The following FAM234B variants were observed in gnomAD, a reference collection of about 807,000 sequenced individuals.
FAM234B encodes the protein family with sequence similarity 234 member B.
A neutral mutation model predicts 69.3 loss-of-function variants in FAM234B; 33 were observed. The ratio of observed to expected loss-of-function variants is 0.48; its 90% CI spans 0.36 to 0.64. FAM234B has a LOEUF of 0.64. Ranked by LOEUF, FAM234B falls within the 30% of genes least tolerant of loss-of-function variation. FAM234B has a pLI of 0.00. For synonymous variants in FAM234B, 306 were observed against 306.9 expected (o/e 1.00, Z 0.03); for missense variants, 697 against 769.7 (o/e 0.91, Z 1.12).
intron 1 of FAM234B, among the ~76,000 whole-genome samples, chr12:13,045,416 A>G (rs1864796921): frequency 6.6e-6 from 1 of 152,208 alleles, no homozygotes; most frequent in East Asian, 1.9e-4. Flanking sequence ...ATTAGAGGGA[A>G]AAGCAGTTGC....
chr12:13,077,010 G>T (rs1478553765), intron 11 of FAM234B, among the ~76,000 whole-genome samples: 2 of 152,296 alleles, frequency 1.3e-5, no homozygotes, highest in Middle Eastern at 3.4e-3. Flanking sequence ...GCCTTGGGCT[G>T]CAGCTGGTGT....
chr12:13,057,940 G>C (rs982950950), intron 2 of FAM234B, among the ~76,000 whole-genome samples: 1 of 152,204 alleles, frequency 6.6e-6, no homozygotes, highest in Admixed American at 6.5e-5. Flanking sequence ...TGGGAGCCAG[G>C]CTCCACATTC....
At chr12:13,055,404 A>G (rs1392371727) in intron 1 of FAM234B, 147 bp from the exon 2 acceptor site, 9 of 707,138 alleles carry the variant, frequency 1.3e-5, no homozygotes, top group Non-Finnish European at 1.8e-5. Flanking sequence ...TGTTTTACAG[A>G]TAGCCACCAA....
rs1342609882 is a variant in FAM234B, at chr12:13,044,701, G to A, written c.37+261G>A. On this transcript the variant is annotated intron_variant, in intron 1 of 12. Coordinates refer to ENST00000197268, the MANE Select transcript of FAM234B (RefSeq NM_020853.2). The surrounding 1 kb of genome is among the most constrained non-coding windows in gnomAD (Gnocchi z 5.6). ...GGAGAGGGCGCCGAGCAGGTGTTACGGCGGGGAATGTCAGAACGCCGGTCG... is the reference window on the plus strand; with the variant it reads ...GGAGAGGGCGCCGAGCAGGTGTTACAGCGGGGAATGTCAGAACGCCGGTCG... 6.6e-6 allele frequency among the ~76,000 whole-genome samples: 1 copy of A among 152,204 alleles called. No individual in the cohort carries two copies. The highest frequency in any genetic ancestry group is 1.5e-5 in the Non-Finnish European group (1 of 68,038).
At chr12:13,054,230 G>A (rs187113904) in intron 1 of FAM234B, among the ~76,000 whole-genome samples, 212 of 149,214 alleles carry the variant, frequency 1.4e-3, no homozygotes, top group Non-Finnish European at 1.9e-3. Flanking sequence ...AGTATTAATA[G>A]GGAAGTGATA....
At chr12:13,063,430 G>A (rs1442093784) in intron 5 of FAM234B, among the ~76,000 whole-genome samples, 1 of 152,122 alleles carries the variant, frequency 6.6e-6, no homozygotes, top group Non-Finnish European at 1.5e-5. Context: ...TTATATATAT[G>A]TACATTTTAT....
intron 4 of FAM234B, 180 bp from the exon 5 acceptor site, chr12:13,062,665 G>T (rs1170035760): frequency 6.7e-5 from 36 of 540,754 alleles, no homozygotes; most frequent in Non-Finnish European, 1.2e-4. Context: ...TTTAGGATTC[G>T]GATCACACTG....
intron 10 of FAM234B, among the ~76,000 whole-genome samples, chr12:13,073,479 C>T (rs1014613375): frequency 1.3e-5 from 2 of 152,138 alleles, no homozygotes; most frequent in Non-Finnish European, 2.9e-5. Flanking sequence ...TGCTGTTGAC[C>T]TTTCCACTTT....
At chr12:13,070,172 GATATATATATATAT>G (rs66463903) in intron 9 of FAM234B, among the ~76,000 whole-genome samples, 3,883 of 139,750 alleles carry the variant, frequency 0.028, 180 homozygotes, top group African/African-American at 0.077. Context: ...ATTAAAAAAA[GATATATATATATAT>G]ATATATATAT....
chr12:13,075,433 CTTTTT>C (rs59012504), intron 10 of FAM234B, among the ~76,000 whole-genome samples: 12 of 137,506 alleles, frequency 8.7e-5, no homozygotes, highest in South Asian at 2.3e-4. Context: ...CTTTTCTTTT[CTTTTT>C]TTTTTTTTTT....
chr12:13,045,058 T>A (rs943029473), intron 1 of FAM234B, among the ~76,000 whole-genome samples: 2 of 152,186 alleles, frequency 1.3e-5, no homozygotes, highest in African/African-American at 4.8e-5. Context: ...AGCTTTTGAT[T>A]CCACTTGGTC....
At position 13,068,356 on chromosome 12, in the gene FAM234B, A is replaced by G; in HGVS notation, c.1195A>G (p.Asn399Asp). ...GAAGGCACCAGATTCCAACTGCAGC[A>G]ACCTTCTGATTACAACCAGACAAAG... ...MVKAPDSNCSNLLITTRQSLV... is the reference protein window; with the variant it reads ...MVKAPDSNCSDLLITTRQSLV... Residue 399 changes from asparagine to aspartate, a missense_variant, in exon 8 of 13, where the codon AAC becomes GAC. Transcript: ENST00000197268. The G allele has an allele frequency of 6.2e-7, 1 of 1,614,214 alleles. No homozygotes were observed. The highest frequency in any genetic ancestry group is 8.5e-7 in the Non-Finnish European group (1 of 1,180,026).
chr12:13,058,908 G>A (rs1224305884), intron 3 of FAM234B, among the ~76,000 whole-genome samples: 1 of 152,152 alleles, frequency 6.6e-6, no homozygotes, highest in African/African-American at 2.4e-5. Flanking sequence ...AGTGAACATT[G>A]ACTTTATGCT....
intron 10 of FAM234B, among the ~76,000 whole-genome samples, 164 bp from the exon 11 acceptor site, chr12:13,075,862 T>C (rs1191356590): frequency 6.6e-6 from 1 of 152,162 alleles, no homozygotes; most frequent in Non-Finnish European, 1.5e-5. Context: ...ATGTCTCTTA[T>C]ACAGGGGAGT....
rs139325601 is a variant in FAM234B at position 13,058,173 on chromosome 12, GA to G, written c.434-274del. ...CTATCTGGGTATTATGAGGCCAAAA[GA>G]AAACCCAGGGGACTCATCACCTTGT... is the stretch of plus-strand genomic sequence containing the variant. On this transcript the variant is annotated intron_variant, in intron 2 of 12. Coordinates refer to ENST00000197268, the MANE Select transcript of FAM234B (RefSeq NM_020853.2). Among the ~76,000 whole-genome samples the G allele has an allele frequency of 2.0e-3, 311 of 152,250 alleles. 3 individuals carry two copies. The highest frequency in any genetic ancestry group is 7.3e-3 in the African/African-American group (302 of 41,526).
chr12:13,046,856 T>TAGTTAC (rs1172830384), intron 1 of FAM234B, among the ~76,000 whole-genome samples: 1 of 152,232 alleles, frequency 6.6e-6, no homozygotes, highest in Non-Finnish European at 1.5e-5. Context: ...TTTACCTAAT[T>TAGTTAC]AGTTACTTAA....
intron 3 of FAM234B, among the ~76,000 whole-genome samples, chr12:13,060,532 A>G (rs1237760752): frequency 6.6e-6 from 1 of 152,190 alleles, no homozygotes; most frequent in Non-Finnish European, 1.5e-5. Flanking sequence ...ACCACACAGG[A>G]TAGGGATCCT....
chr12:13,065,487 G>C (rs1230268761), intron 5 of FAM234B, among the ~76,000 whole-genome samples: 2 of 152,116 alleles, frequency 1.3e-5, no homozygotes, highest in African/African-American at 4.8e-5. Flanking sequence ...CTGTATTTCT[G>C]TTTTTGCAGC....
rs1018407341 is a variant in FAM234B at position 13,078,275 on chromosome 12, T to G, written c.1643-1514T>G. 1.6e-4 allele frequency among the ~76,000 whole-genome samples: 25 copies of G among 152,238 alleles called. No homozygotes were observed. In the East Asian group the frequency reaches 1.9e-3, roughly 12 times the overall value. ...CTGTGCAGAAGCTCTTTAGTTTAAT[T>G]AGATCCCGTTTGTCAATTTTGTCTT... On this transcript the variant is annotated intron_variant, in intron 11 of 12. Transcript: ENST00000197268.
Sources: allele counts gnomAD v4.1 joint callset (sites outside exome capture counted in the v4.1 genomes callset), GRCh38; gene constraint gnomAD v4.1.1; non-coding constraint Gnocchi (gnomAD v3.1); transcripts MANE v1.5; gene names NCBI Gene and HGNC (gene_info 2026-07-23, HGNC 2026-07-21).